SAMMSON: variants seen among roughly 807,000 people sequenced by gnomAD.
SAMMSON encodes the protein survival associated mitochondrial melanoma specific oncogenic non-coding RNA, also known as long intergenic non-protein coding RNA 1212.
At chr3:70,289,537 C>G (rs1702207856) in intron 6 of SAMMSON, among the ~76,000 whole-genome samples, 2 of 147,952 alleles carry the variant, frequency 1.4e-5, no homozygotes, top group Admixed American at 1.3e-4. Flanking sequence ...AATTATGTGT[C>G]TTGGAGTTGC....
At chr3:70,125,913 G>A (rs114072738) in intron 4 of SAMMSON, 35 of 706,446 alleles carry the variant, frequency 5.0e-5, no homozygotes, top group East Asian at 8.1e-5. Flanking sequence ...ATTCCTCATC[G>A]TCTTCTGGCC....
intron 7 of SAMMSON, among the ~76,000 whole-genome samples, chr3:70,300,948 C>G (rs1488872284): frequency 6.6e-6 from 1 of 152,016 alleles, no homozygotes; most frequent in African/African-American, 2.4e-5. Context: ...GCAATTTTCT[C>G]CTCTTCTTTT....
At chr3:70,375,594 G>T (rs1703007969) in intron 9 of SAMMSON, among the ~76,000 whole-genome samples, 1 of 151,890 alleles carries the variant, frequency 6.6e-6, no homozygotes, top group African/African-American at 2.4e-5. Context: ...GCTACCACAG[G>T]GACAGATATG....
intron 4 of SAMMSON, among the ~76,000 whole-genome samples, chr3:70,240,795 G>A (rs1047137030): frequency 6.6e-6 from 1 of 152,038 alleles, no homozygotes; most frequent in Non-Finnish European, 1.5e-5. Context: ...ATACACCGGG[G>A]CACATCACTG....
At chr3:70,399,624 G>C (rs755149441) in intron 2 of SAMMSON, among the ~76,000 whole-genome samples, 10 of 152,050 alleles carry the variant, frequency 6.6e-5, no homozygotes, top group Non-Finnish European at 1.2e-4. Flanking sequence ...CCAGCACTTT[G>C]GGAGGCCAAG....
chr3:70,077,887 A>T (rs1351561023), intron 4 of SAMMSON, among the ~76,000 whole-genome samples: 1 of 152,126 alleles, frequency 6.6e-6, no homozygotes, highest in African/African-American at 2.4e-5. Flanking sequence ...TTCCCTTTGC[A>T]TTCACTCCTT....
At chr3:70,083,561 A>G (rs1417111926) in intron 4 of SAMMSON, among the ~76,000 whole-genome samples, 1 of 152,182 alleles carries the variant, frequency 6.6e-6, no homozygotes, top group African/African-American at 2.4e-5. Context: ...GTTCTCCAAC[A>G]ATTGCTGGAT....
chr3:70,128,161 G>C (rs865804034), intron 4 of SAMMSON, among the ~76,000 whole-genome samples: 2 of 152,142 alleles, frequency 1.3e-5, no homozygotes, highest in African/African-American at 2.4e-5. Flanking sequence ...AGGCATTCTT[G>C]CCTTCCGGCT....
At chr3:70,323,427 A>G (rs765455617) in intron 7 of SAMMSON, among the ~76,000 whole-genome samples, 36 of 152,162 alleles carry the variant, frequency 2.4e-4, no homozygotes, top group Non-Finnish European at 5.1e-4. Flanking sequence ...ACATCACTGT[A>G]TGCTTCCTCT....
chr3:70,419,270 C>A (rs1312127295), intron 2 of SAMMSON, among the ~76,000 whole-genome samples: 9 of 151,810 alleles, frequency 5.9e-5, no homozygotes, highest in African/African-American at 1.9e-4. Flanking sequence ...TGGGCTCAGG[C>A]GATCCACCCG....
intron 4 of SAMMSON, among the ~76,000 whole-genome samples, chr3:70,166,455 T>C (rs1388091278): frequency 1.3e-5 from 2 of 151,190 alleles, no homozygotes; most frequent in African/African-American, 4.9e-5. Flanking sequence ...AGAGGTGTTC[T>C]TGAAGATAGT....
chr3:70,178,107 G>A (rs978421165), intron 4 of SAMMSON, among the ~76,000 whole-genome samples: 15 of 152,088 alleles, frequency 9.9e-5, no homozygotes, highest in Admixed American at 1.3e-4. Flanking sequence ...AGTTGCTGGG[G>A]ATGTATATCA....
chr3:70,153,201 A>T (rs2067578718), intron 4 of SAMMSON, among the ~76,000 whole-genome samples: 1 of 151,810 alleles, frequency 6.6e-6, no homozygotes, highest in Non-Finnish European at 1.5e-5. Context: ...TTTAATCCTC[A>T]CCCCAGCCCC....
intron 7 of SAMMSON, among the ~76,000 whole-genome samples, chr3:70,306,499 A>G (rs1702402385): frequency 6.6e-6 from 1 of 151,308 alleles, no homozygotes; most frequent in African/African-American, 2.4e-5. Context: ...TAACTACAGA[A>G]CTCTCATCTT....
At chr3:70,193,970 C>T (rs1054797107) in intron 4 of SAMMSON, among the ~76,000 whole-genome samples, 2 of 152,212 alleles carry the variant, frequency 1.3e-5, no homozygotes, top group Non-Finnish European at 1.5e-5. Context: ...GACTTTCGCT[C>T]TATTAACTTT....
intron 7 of SAMMSON, among the ~76,000 whole-genome samples, chr3:70,321,745 G>GT (rs1209685552): frequency 6.6e-6 from 1 of 151,822 alleles, no homozygotes; most frequent in Non-Finnish European, 1.5e-5. Flanking sequence ...TCCAGATAGA[G>GT]TTTTTTTAGT....
chr3:70,412,642 T>C (rs1235198289), intron 2 of SAMMSON, among the ~76,000 whole-genome samples: 2 of 152,156 alleles, frequency 1.3e-5, no homozygotes, highest in Non-Finnish European at 2.9e-5. Flanking sequence ...CGATATTTCC[T>C]TTTCCTGCTT....
At chr3:70,135,705 T>C (rs1324310543) in intron 4 of SAMMSON, among the ~76,000 whole-genome samples, 1 of 152,206 alleles carries the variant, frequency 6.6e-6, no homozygotes, top group Non-Finnish European at 1.5e-5. Flanking sequence ...ATACATAAAA[T>C]TCCTTTTCCA....
intron 6 of SAMMSON, among the ~76,000 whole-genome samples, chr3:70,264,767 A>G (rs1701900075): frequency 6.6e-6 from 1 of 152,234 alleles, no homozygotes. Context: ...GATGAATCTC[A>G]TGATAGGGAA....
Sources: allele counts gnomAD v4.1 joint callset (sites outside exome capture counted in the v4.1 genomes callset), GRCh38; gene constraint gnomAD v4.1.1; transcripts MANE v1.5; gene names NCBI Gene and HGNC (gene_info 2026-07-23, HGNC 2026-07-21).